The following LAMA5 variants were observed in gnomAD, a reference collection of about 807,000 sequenced individuals.
The protein encoded by LAMA5 is laminin subunit alpha 5, also known as laminin subunit alpha-5.
LAMA5 carries 260 observed loss-of-function variants against 433.4 expected under a neutral mutation model. The ratio of observed to expected loss-of-function variants is 0.60; its 90% CI spans 0.54 to 0.66. The LOEUF (loss-of-function observed/expected upper bound fraction) is 0.66. Among genes scored for constraint, LAMA5 ranks in the 30% least tolerant of loss-of-function variants. LAMA5 has a pLI of 0.00. For missense variants in LAMA5, 5,378 were observed against 5,258.5 expected, an observed-to-expected ratio of 1.02 and a Z score of -0.70; for synonymous variants, 2,620 against 2,226.6, an observed-to-expected ratio of 1.18 and a Z score of -4.97.
chr20:62,328,788 C>T, intron 34 of LAMA5, 56 bp downstream of exon 34: 1 of 1,547,348 alleles, frequency 6.5e-7, no homozygotes. Flanking sequence ...ACCCGTCCAC[C>T]TTGGGCTCTG....
chr20:62,323,031 A>G, intron 45 of LAMA5, among the ~76,000 whole-genome samples: 1 of 125,352 alleles, frequency 8.0e-6, no homozygotes. Context: ...GTGTCTAACC[A>G]TGAGGGGGGA....
chr20:62,309,755 C>CT lies in LAMA5; in HGVS notation c.10908dup (p.Ala3637SerfsTer14), dbSNP rs1320229269. On this transcript the variant is annotated frameshift_variant, in exon 79 of 80. Transcript: ENST00000252999. LOFTEE classifies it low-confidence loss of function (END_TRUNC). ...AGGTACAGAGGGGCTGGGGCACCAG[C>CT]TGCAGCCGCCAGCAAGGGGCCCACG... 5 of 1,604,634 alleles carry CT rather than the reference C, an allele frequency of 3.1e-6. No individual in the cohort carries two copies. The highest frequency in any genetic ancestry group is 4.2e-6 in the Non-Finnish European group (5 of 1,177,572).
chr20:62,320,967 C>T (rs1987640337), intron 48 of LAMA5, 77 bp from the exon 49 acceptor site: 5 of 1,495,158 alleles, frequency 3.3e-6, no homozygotes, highest in South Asian at 2.5e-5. Flanking sequence ...GCCCTGGGGT[C>T]ATTAGGGTGG....
At position 62,324,468 on chromosome 20, in the gene LAMA5, G is replaced by A. The variant is rs774602540; in HGVS notation, c.5616C>T (p.Arg1872=). 2 of 1,612,302 alleles carry A rather than the reference G, an allele frequency of 1.2e-6. No homozygotes were observed. The highest frequency in any genetic ancestry group is 2.2e-5 in the South Asian group (2 of 91,008). Residue 1872 remains arginine, a synonymous_variant, in exon 42 of 80, where the codon CGC becomes CGT. Transcript: ENST00000252999. The surrounding 1 kb of genome is among the most constrained non-coding windows in gnomAD (Gnocchi z 4.4). The part of the protein sequence containing the change: ...VPCQCHGHSD[R]CLPGSGVCVD... ...CACAGACGCCAGAGCCAGGGAGGCA[G>A]CGGTCTGAGTGTCCATGGCACTGAC... is the stretch of plus-strand genomic sequence containing the variant.
rs566578632 is a variant in LAMA5 at position 62,359,861 on chromosome 20, G to A, written c.450+2539C>T. On this transcript the variant is annotated intron_variant, in intron 2 of 79. Transcript: ENST00000252999. The surrounding 1 kb of genome is among the most constrained non-coding windows in gnomAD (Gnocchi z 4.3). ...ACCGCACACCAGGGGTATGAGATCC[G>A]AACCGTGATGCAGCCCACCCCGCCC... Among the ~76,000 whole-genome samples, 46 of 152,016 alleles carry A rather than the reference G, an allele frequency of 3.0e-4. No homozygotes were observed. Among genetic ancestry groups the A allele is most frequent in the South Asian group, 1.0e-3 (5 of 4,800 alleles).
chr20:62,353,464 C>T (rs1460625465), intron 2 of LAMA5: 4 of 496,054 alleles, frequency 8.1e-6, no homozygotes, highest in Non-Finnish European at 1.4e-5. Flanking sequence ...GGAACCAGCC[C>T]TCCTGGAAGG....
intron 6 of LAMA5, among the ~76,000 whole-genome samples, chr20:62,347,508 C>G (rs574452937): frequency 2.0e-5 from 3 of 152,184 alleles, no homozygotes; most frequent in African/African-American, 7.2e-5. Context: ...TTTGCACCCC[C>G]CAAGGCTCAG....
intron 67 of LAMA5, 47 bp downstream of exon 67, chr20:62,312,585 C>A: frequency 6.3e-7 from 1 of 1,599,220 alleles, no homozygotes; most frequent in South Asian, 1.1e-5. Context: ...CCCAGCCTAC[C>A]GCCCCAACAG....
chr20:62,333,934 G>A lies in LAMA5; in HGVS notation c.2845C>T (p.Arg949Ter), dbSNP rs1225359940. ...CAGGTGGCCGACCTGCCCTCCTCTC[G>A]CACAGAGACCCGCCCGCTCACACTC... Reference protein sequence around the residue: ...AMSVSGRVSVREEGRSATCAN... With the variant: ...AMSVSGRVSV Residue 949 changes from arginine to a stop codon, truncating the protein, a stop_gained, in exon 23 of 80, where the codon CGA becomes TGA. Coordinates refer to ENST00000252999, the MANE Select transcript of LAMA5 (RefSeq NM_005560.6). LOFTEE classifies it high-confidence loss of function. The A allele has an allele frequency of 1.2e-6, 2 of 1,610,832 alleles. No individual in the cohort carries two copies. The highest frequency in any genetic ancestry group is 1.7e-6 in the Non-Finnish European group (2 of 1,178,998).
At position 62,324,056 on chromosome 20, in the gene LAMA5, C is replaced by T. The variant is rs539386776; in HGVS notation, c.5768+24G>A. The T allele has an allele frequency of 1.0e-5, 15 of 1,489,760 alleles. No individual in the cohort carries two copies. The highest frequency in any genetic ancestry group is 5.7e-5 in the African/African-American group (4 of 70,676). The allele number at this position is 1,489,760 out of a possible 1,614,324, so 92.3% of individuals were successfully genotyped here. On this transcript the variant is annotated intron_variant, in intron 43 of 79. Transcript: ENST00000252999. This position sits in a 1 kb window ranked among gnomAD's most constrained non-coding sequence, Gnocchi z 4.4. ...AGGGAGCCTGGCACCATCAGGGCCT[C>T]GTCCCGGGAGGAGGCTGGCTTACTT...
chr20:62,326,466 G>A (rs535750817), intron 40 of LAMA5: 7 of 544,534 alleles, frequency 1.3e-5, no homozygotes, highest in East Asian at 3.0e-5. Context: ...TCACAAAGCA[G>A]GTGGGAAGAC....
Position 62,338,555 on chromosome 20 carries a change from T to A in LAMA5, c.1531A>T (p.Arg511Trp). The part of the protein sequence containing the change: ...TQGNACRKDP[R>W]VGRCLCKPNF... ...GGTTTGCACAGACAGCGTCCCACCC[T>A]TGGGTCCTTCCGGCAGGCGTTGCCC... The change falls in exon 12 of 80, where the codon AGG becomes TGG. Residue 511 changes from arginine to tryptophan, a missense_variant. Coordinates refer to ENST00000252999, the MANE Select transcript of LAMA5 (RefSeq NM_005560.6). The A allele has an allele frequency of 6.2e-7, 1 of 1,611,490 alleles. No individual in the cohort carries two copies. The highest frequency in any genetic ancestry group is 8.5e-7 in the Non-Finnish European group (1 of 1,179,534).
chr20:62,340,709 A>T (rs1464597318), intron 11 of LAMA5, among the ~76,000 whole-genome samples: 1 of 152,182 alleles, frequency 6.6e-6, no homozygotes, highest in Non-Finnish European at 1.5e-5. Flanking sequence ...ATTCTGGATT[A>T]GAAACAAAGA....
Position 62,324,354 on chromosome 20 carries a change from T to C in LAMA5, c.5643+87A>G. ...ACCCTTCCCCAGACCTCAGTTGACC[T>C]GGAAGTGCAGCCCCTGGTCTTCCCT... On this transcript the variant is annotated intron_variant, in intron 42 of 79. Coordinates refer to ENST00000252999, the MANE Select transcript of LAMA5 (RefSeq NM_005560.6). This position sits in a 1 kb window ranked among gnomAD's most constrained non-coding sequence, Gnocchi z 4.4. 1.4e-6 allele frequency: 2 copies of C among 1,422,660 alleles called. No individual in the cohort carries two copies. The highest frequency in any genetic ancestry group is 9.7e-7 in the Non-Finnish European group (1 of 1,028,442). 88.1% of individuals were successfully genotyped at this position (1,422,660 alleles called of 1,614,324 possible).
chr20:62,324,720 G>A lies in LAMA5; in HGVS notation c.5530-166C>T, dbSNP rs1409028676. 6.7e-6 allele frequency: 4 copies of A among 600,384 alleles called. No individual in the cohort carries two copies. The highest frequency in any genetic ancestry group is 2.0e-5 in the South Asian group (1 of 51,234). 37.2% of individuals were successfully genotyped at this position (600,384 alleles called of 1,614,324 possible). On this transcript the variant is annotated intron_variant, in intron 41 of 79. Coordinates refer to ENST00000252999, the MANE Select transcript of LAMA5 (RefSeq NM_005560.6). This position sits in a 1 kb window ranked among gnomAD's most constrained non-coding sequence, Gnocchi z 4.4. ...AGGCTGGTCAGGAACTCCTGGCCTC[G>A]GCCGGCTGGAGGTGGGCCAGCACCT...
intron 16 of LAMA5, 77 bp from the exon 17 acceptor site, chr20:62,336,863 G>A: frequency 6.9e-7 from 1 of 1,451,536 alleles, no homozygotes; most frequent in Non-Finnish European, 9.5e-7. Flanking sequence ...GGCCCAGCCA[G>A]AACCCACGGT....
chr20:62,367,136 TCCCGCG>T lies in LAMA5; in HGVS notation c.104_109del (p.Ala35_Arg36del). On this transcript the variant is annotated inframe_deletion, in exon 1 of 80. Coordinates refer to ENST00000252999, the MANE Select transcript of LAMA5 (RefSeq NM_005560.6). ...CAGGCTGAAGCCGCCGCCCGCCTCC[TCCCGCG>T]CCCGCGCCGCGCCCAGCAGCGCCAG... 1 of 1,271,784 alleles carries T rather than the reference TCCCGCG, an allele frequency of 7.9e-7. No individual in the cohort carries two copies. The highest frequency in any genetic ancestry group is 2.8e-5 in the South Asian group (1 of 35,260). 78.8% of individuals were successfully genotyped at this position (1,271,784 alleles called of 1,614,324 possible). A position where few individuals can be genotyped will look rare whatever the true frequency, so the allele number is the denominator to read the frequency against.
At position 62,313,113 on chromosome 20, in the gene LAMA5, C is replaced by T; in HGVS notation, c.8930G>A (p.Gly2977Glu). 1 of 1,609,350 alleles carries T rather than the reference C, an allele frequency of 6.2e-7. No homozygotes were observed. Among genetic ancestry groups the T allele is most frequent in the Non-Finnish European group, 8.5e-7 (1 of 1,179,778 alleles). The change falls in exon 65 of 80, where the codon GGG becomes GAG. Residue 2977 changes from glycine (G) to glutamate (E), a missense_variant. Physicochemically the swap from Gly to Glu is moderately conservative, Grantham distance 98. Coordinates refer to ENST00000252999, the MANE Select transcript of LAMA5 (RefSeq NM_005560.6). The stretch of plus-strand genomic sequence containing the variant: ...CTGCTGCTTCAGGAAGAAGAGCACC[C>T]CGCTGTAGGACACGAGCCGCAGCTC... ...EQELRLVSYS[G>E]VLFFLKQQSQ...
rs1033746404 is a variant in LAMA5 at position 62,334,096 on chromosome 20, G to A, written c.2740-57C>T. 3.2e-5 allele frequency: 51 copies of A among 1,588,626 alleles called. No individual in the cohort carries two copies. The Admixed American group carries it at 3.2e-4, about 10-fold the overall frequency. On this transcript the variant is annotated intron_variant, in intron 22 of 79. Transcript: ENST00000252999. ...CCTGACCACTGCCAGCCTGAGGCCT[G>A]GGCCTTCAAGGGGCCTGCCCACCCC...
Sources: gnomAD v4.1 joint callset for allele counts (sites outside exome capture counted in the v4.1 genomes callset) on GRCh38, gnomAD v4.1.1 for gene constraint, Gnocchi (gnomAD v3.1) non-coding constraint, MANE v1.5 for transcripts, NCBI Gene and HGNC (gene_info 2026-07-23, HGNC 2026-07-21) for gene names.